The following VWA8 variants were observed in gnomAD, a reference collection of about 807,000 sequenced individuals.
VWA8 encodes the protein von Willebrand factor A domain containing 8, also known as von Willebrand factor A domain-containing protein 8.
In VWA8, 221 loss-of-function variants were observed where a neutral mutation model predicts 241.5. The observed-to-expected ratio is 0.91, with a 90% CI of 0.82 to 1.02. The LOEUF (loss-of-function observed/expected upper bound fraction) is 1.02. Among genes scored for constraint, VWA8 ranks in the 50% least tolerant of loss-of-function variants. The pLI is 0.00. For missense variants in VWA8, 2,322 were observed against 2,328.7 expected (o/e 1.00, Z 0.06); for synonymous variants, 852 against 827.1 (o/e 1.03, Z -0.52).
chr13:41,688,831 G>A (rs945456091), intron 34 of VWA8, among the ~76,000 whole-genome samples: 1 of 152,080 alleles, frequency 6.6e-6, no homozygotes, highest in Non-Finnish European at 1.5e-5. Context: ...TGAGGGTGGA[G>A]AGTGGGAGGA....
chr13:41,720,129 C>T (rs969608901), intron 25 of VWA8, among the ~76,000 whole-genome samples: 1 of 151,920 alleles, frequency 6.6e-6, no homozygotes, highest in Admixed American at 6.6e-5. Flanking sequence ...CTGAAGTTTT[C>T]AGAAAAGTCA....
At position 41,961,082 on chromosome 13, in the gene VWA8, C is replaced by G; in HGVS notation, c.-67G>C. On this transcript the variant is annotated 5_prime_UTR_variant, in exon 1 of 45. Coordinates refer to ENST00000379310, the MANE Select transcript of VWA8 (RefSeq NM_015058.2). ...ATCGAGCGGCGTCCCGTGCAGGCAC[C>G]GTGAGGCAGCGCGGAGAAGGGGACA... 1 of 1,307,124 alleles carries G rather than the reference C, an allele frequency of 7.7e-7. No individual in the cohort carries two copies. The highest frequency in any genetic ancestry group is 9.8e-7 in the Non-Finnish European group (1 of 1,019,754). 81.0% of individuals were successfully genotyped at this position (1,307,124 alleles called of 1,614,324 possible). A position where few individuals can be genotyped will look rare whatever the true frequency, so the allele number is the denominator to read the frequency against.
intron 40 of VWA8, among the ~76,000 whole-genome samples, chr13:41,596,311 G>A (rs2044487784): frequency 6.6e-6 from 1 of 152,050 alleles, no homozygotes; most frequent in Admixed American, 6.6e-5. Flanking sequence ...CTTAAAACAG[G>A]AAGAGGTGTC....
rs905334404 is a variant in VWA8, at chr13:41,783,719, T to C, written c.2277+76A>G. 9 of 974,518 alleles carry C rather than the reference T, an allele frequency of 9.2e-6. No individual in the cohort carries two copies. The African/African-American group carries it at 1.5e-4, about 16-fold the overall frequency. 60.4% of individuals were successfully genotyped at this position (974,518 alleles called of 1,614,324 possible). On this transcript the variant is annotated intron_variant, in intron 19 of 44. Transcript: ENST00000379310. ...TTAGGAAATCACAAAAATAATTACA[T>C]GTCAATTTCACTTGAATTGGAGTGT...
intron 26 of VWA8, among the ~76,000 whole-genome samples, chr13:41,718,202 A>G (rs1310008396): frequency 6.6e-6 from 1 of 152,016 alleles, no homozygotes; most frequent in Non-Finnish European, 1.5e-5. Flanking sequence ...TAAATTTGTT[A>G]ATGGTAATAA....
At chr13:41,801,000 T>C (rs541574120) in intron 17 of VWA8, among the ~76,000 whole-genome samples, 16 of 152,152 alleles carry the variant, frequency 1.1e-4, no homozygotes, top group South Asian at 2.1e-4. Context: ...GTTTTCTTTG[T>C]AGACTGAATT....
chr13:41,883,160 A>G (rs1874344663), intron 9 of VWA8, among the ~76,000 whole-genome samples: 2 of 152,064 alleles, frequency 1.3e-5, no homozygotes, highest in Admixed American at 6.5e-5. Context: ...CAATCTCCCA[A>G]TCACACCAGC....
At chr13:41,828,267 T>A (rs1871264670) in intron 14 of VWA8, among the ~76,000 whole-genome samples, 2 of 152,132 alleles carry the variant, frequency 1.3e-5, no homozygotes, top group Non-Finnish European at 2.9e-5. Flanking sequence ...ATATAAACAA[T>A]AATAAATACA....
chr13:41,732,247 G>T lies in VWA8; in HGVS notation c.2427-92C>A, dbSNP rs555054422. 260 of 1,238,348 alleles carry T rather than the reference G, an allele frequency of 2.1e-4. 5 individuals carry two copies. The South Asian group carries it at 3.7e-3, about 17-fold the overall frequency. The allele number at this position is 1,238,348 out of a possible 1,614,324, so 76.7% of individuals were successfully genotyped here. A position where few individuals can be genotyped will look rare whatever the true frequency, so the allele number is the denominator to read the frequency against. ...TACAGCACAGGTGCATTTTTTAAAA[G>T]ATTTTTGTTCATCATCCTGCTTCCC... On this transcript the variant is annotated intron_variant, in intron 21 of 44. Coordinates refer to ENST00000379310, the MANE Select transcript of VWA8 (RefSeq NM_015058.2).
At chr13:41,866,219 C>T (rs573477166) in intron 10 of VWA8, among the ~76,000 whole-genome samples, 183 bp from the exon 11 acceptor site, 106 of 151,992 alleles carry the variant, frequency 7.0e-4, no homozygotes, top group Middle Eastern at 6.8e-3. Flanking sequence ...CATGGTGGTG[C>T]GCAACTGTGA....
intron 19 of VWA8, among the ~76,000 whole-genome samples, chr13:41,782,168 C>A (rs76957519): frequency 0.023 from 3,427 of 152,280 alleles, 64 homozygotes; most frequent in Non-Finnish European, 0.032. Flanking sequence ...TCCCTCAGGG[C>A]CACTGTGTAA....
At chr13:41,632,638 T>C (rs549083049) in intron 37 of VWA8, among the ~76,000 whole-genome samples, 2 of 152,302 alleles carry the variant, frequency 1.3e-5, no homozygotes, top group East Asian at 1.9e-4. Context: ...CTGTTACCTA[T>C]CATTTCTTCC....
chr13:41,727,991 A>G (rs1304321964), intron 23 of VWA8, among the ~76,000 whole-genome samples: 1 of 152,126 alleles, frequency 6.6e-6, no homozygotes, highest in Non-Finnish European at 1.5e-5. Context: ...AAGTCCAGAA[A>G]ATAATTTAAG....
intron 29 of VWA8, 45 bp downstream of exon 29, chr13:41,699,026 T>C: frequency 2.5e-6 from 4 of 1,611,298 alleles, no homozygotes; most frequent in Non-Finnish European, 3.4e-6. Flanking sequence ...CTCTTGCCTT[T>C]CATGTAAGTC....
At chr13:41,631,542 G>A (rs947970863) in intron 37 of VWA8, among the ~76,000 whole-genome samples, 1 of 152,132 alleles carries the variant, frequency 6.6e-6, no homozygotes, top group Non-Finnish European at 1.5e-5. Context: ...AAACAGAGTT[G>A]TTTGAAAGGC....
intron 2 of VWA8, among the ~76,000 whole-genome samples, chr13:41,924,392 G>T (rs909493830): frequency 1.0e-4 from 15 of 143,786 alleles, no homozygotes; most frequent in South Asian, 2.3e-4. Flanking sequence ...GAGAAGAGAG[G>T]AGGGGAAGGG....
chr13:41,691,259 T>C (rs897892029), intron 32 of VWA8, 61 bp downstream of exon 32: 1 of 1,547,956 alleles, frequency 6.5e-7, no homozygotes, highest in Non-Finnish European at 8.7e-7. Flanking sequence ...AGATGTTGGA[T>C]AATTCATAAA....
intron 4 of VWA8, among the ~76,000 whole-genome samples, chr13:41,895,211 TA>T (rs1875040332): frequency 6.6e-6 from 1 of 152,196 alleles, no homozygotes; most frequent in South Asian, 2.1e-4. Context: ...GTATACTATT[TA>T]ATTTAACCCT....
intron 40 of VWA8, among the ~76,000 whole-genome samples, chr13:41,594,477 T>C (rs1405132058): frequency 6.6e-6 from 1 of 152,110 alleles, no homozygotes; most frequent in African/African-American, 2.4e-5. Flanking sequence ...AACCCCACCA[T>C]CTTACCACAG....
Sources: gnomAD v4.1 joint callset for allele counts (sites outside exome capture counted in the v4.1 genomes callset) on GRCh38, gnomAD v4.1.1 for gene constraint, MANE v1.5 for transcripts, NCBI Gene and HGNC (gene_info 2026-07-23, HGNC 2026-07-21) for gene names.